The following PDE7B variants were observed in gnomAD, a reference collection of about 807,000 sequenced individuals.
PDE7B encodes 3',5'-cyclic-AMP phosphodiesterase 7B.
In PDE7B, 29 loss-of-function variants were observed where a neutral mutation model predicts 56.2. The ratio of observed to expected loss-of-function variants is 0.52; its 90% confidence interval spans 0.38 to 0.70. The LOEUF (loss-of-function observed/expected upper bound fraction) is 0.70, where lower values mean the gene tolerates loss of function less well. Among genes scored for constraint, PDE7B ranks in the 30% least tolerant of loss-of-function variants. The pLI, the probability that PDE7B is intolerant of heterozygous loss-of-function variation, is 0.00. For synonymous variants in PDE7B, 197 were observed against 196.9 expected (o/e 1.00, Z 0.00); for missense variants, 490 against 565.0 (o/e 0.87, Z 1.35).
intron 1 of PDE7B, among the ~76,000 whole-genome samples, chr6:135,931,773 G>C (rs1774294665): frequency 6.6e-6 from 1 of 152,016 alleles, no homozygotes; most frequent in Non-Finnish European, 1.5e-5. Context: ...AAGACTTTAG[G>C]TTTAATACCC....
rs1328342403 is a variant in PDE7B at position 135,875,415 on chromosome 6, TATAA to T, written c.21+23403_21+23406del. 5.9e-5 allele frequency among the ~76,000 whole-genome samples: 9 copies of T among 152,092 alleles called. No homozygotes were observed. In the South Asian group the frequency reaches 1.0e-3, roughly 18 times the overall value. ...TTAGCATTTTATACTAGAATAAAAATATAAATAAATTTATGTGTATTTAATATCC... is the reference window on the plus strand; with the variant it reads ...TTAGCATTTTATACTAGAATAAAAATATAAATTTATGTGTATTTAATATCC... On this transcript the variant is annotated intron_variant, in intron 1 of 12. Transcript: ENST00000308191.
intron 3 of PDE7B, among the ~76,000 whole-genome samples, chr6:136,146,593 C>T (rs542027753): frequency 1.3e-5 from 2 of 152,280 alleles, no homozygotes; most frequent in South Asian, 2.1e-4. Context: ...GAAACCATTT[C>T]CTCATGTGTA....
At chr6:136,083,564 A>T (rs898817931) in intron 2 of PDE7B, among the ~76,000 whole-genome samples, 3 of 152,182 alleles carry the variant, frequency 2.0e-5, no homozygotes, top group Non-Finnish European at 4.4e-5. Flanking sequence ...ATGCCATGTG[A>T]TACTGACCTG....
At position 136,090,937 on chromosome 6, in the gene PDE7B, C is replaced by G. The variant is rs375545915; in HGVS notation, c.83-17794C>G. Among the ~76,000 whole-genome samples, 8 of 152,300 alleles carry G rather than the reference C, an allele frequency of 5.3e-5. No individual in the cohort carries two copies. In the East Asian group the frequency reaches 1.2e-3, roughly 22 times the overall value. On this transcript the variant is annotated intron_variant, in intron 2 of 12. Coordinates refer to ENST00000308191, the MANE Select transcript of PDE7B (RefSeq NM_018945.4). Reference sequence around the variant, plus strand: ...GTCAATTCATTTCACAGAGCCTCCCCTAACACACCAGAGCAATGCTAATCC... The same window carrying G: ...GTCAATTCATTTCACAGAGCCTCCCGTAACACACCAGAGCAATGCTAATCC...
chr6:135,979,800 CA>C (rs2128204076), intron 2 of PDE7B, among the ~76,000 whole-genome samples: 1 of 152,196 alleles, frequency 6.6e-6, no homozygotes, highest in South Asian at 2.1e-4. Context: ...AAAGAGGATA[CA>C]AATGGAAGAA....
At chr6:136,135,104 G>T (rs1424483154) in intron 3 of PDE7B, among the ~76,000 whole-genome samples, 1 of 152,122 alleles carries the variant, frequency 6.6e-6, no homozygotes, top group Non-Finnish European at 1.5e-5. Context: ...CAGCCATCAA[G>T]AAGTCGTGAG....
intron 2 of PDE7B, among the ~76,000 whole-genome samples, chr6:136,050,502 G>A (rs970138284): frequency 1.3e-5 from 2 of 152,094 alleles, no homozygotes; most frequent in African/African-American, 4.8e-5. Flanking sequence ...GTGGTAGCTG[G>A]TAGTTGCTTA....
At chr6:136,176,496 A>G (rs1229455705) in intron 9 of PDE7B, among the ~76,000 whole-genome samples, 1 of 152,106 alleles carries the variant, frequency 6.6e-6, no homozygotes, top group East Asian at 1.9e-4. Context: ...TAATTGCACA[A>G]TATGAATGTA....
intron 2 of PDE7B, among the ~76,000 whole-genome samples, chr6:135,975,008 A>G (rs4074848): frequency 0.054 from 8,226 of 152,148 alleles, 302 homozygotes; most frequent in Non-Finnish European, 0.077. Flanking sequence ...ACTGGGTTCA[A>G]TACAAGAGAC....
chr6:135,904,621 C>T (rs557387083), intron 1 of PDE7B, among the ~76,000 whole-genome samples: 1 of 152,282 alleles, frequency 6.6e-6, no homozygotes, highest in African/African-American at 2.4e-5. Context: ...ATGATATTAA[C>T]TATATTATAT....
At chr6:136,019,389 AAAG>A (rs776256574) in intron 2 of PDE7B, among the ~76,000 whole-genome samples, 116 of 152,324 alleles carry the variant, frequency 7.6e-4, no homozygotes, top group South Asian at 1.5e-3. Flanking sequence ...GCTGAAAAAA[AAAG>A]AAGGAAAAAG....
chr6:135,978,576 CT>C (rs1239275487), intron 2 of PDE7B, among the ~76,000 whole-genome samples: 1 of 151,914 alleles, frequency 6.6e-6, no homozygotes, highest in Non-Finnish European at 1.5e-5. Flanking sequence ...TCTTATAATA[CT>C]TTTTTACTCC....
chr6:136,057,421 C>T (rs1423889969), intron 2 of PDE7B, among the ~76,000 whole-genome samples: 2 of 152,156 alleles, frequency 1.3e-5, no homozygotes, highest in Admixed American at 6.5e-5. Context: ...CATTATACAT[C>T]AAAGTATACA....
intron 2 of PDE7B, among the ~76,000 whole-genome samples, chr6:135,982,415 A>G (rs926064980): frequency 6.6e-6 from 1 of 151,860 alleles, no homozygotes; most frequent in Middle Eastern, 3.2e-3. Flanking sequence ...TCTTTCTGCT[A>G]CTTTCTTCTC....
At chr6:135,884,400 T>C (rs764355696) in intron 1 of PDE7B, among the ~76,000 whole-genome samples, 19 of 152,338 alleles carry the variant, frequency 1.2e-4, no homozygotes, top group Non-Finnish European at 2.1e-4. Flanking sequence ...TCATCACATA[T>C]GATCATTACA....
chr6:135,988,675 A>C (rs1460661991), intron 2 of PDE7B, among the ~76,000 whole-genome samples: 1 of 152,174 alleles, frequency 6.6e-6, no homozygotes, highest in African/African-American at 2.4e-5. Flanking sequence ...AAGGAAATGG[A>C]AGTGTTCTGA....
At chr6:136,067,056 T>C (rs901236222) in intron 2 of PDE7B, among the ~76,000 whole-genome samples, 74 of 152,156 alleles carry the variant, frequency 4.9e-4, no homozygotes, top group African/African-American at 1.3e-3. Flanking sequence ...GGTCTTGCTA[T>C]GTTGCCCAGG....
At chr6:136,110,587 T>C (rs530369779) in intron 3 of PDE7B, among the ~76,000 whole-genome samples, 1 of 152,150 alleles carries the variant, frequency 6.6e-6, no homozygotes, top group South Asian at 2.1e-4. Flanking sequence ...TGTTTATAAT[T>C]CCAAAGTTTC....
intron 6 of PDE7B, among the ~76,000 whole-genome samples, chr6:136,153,594 G>A (rs574809535): frequency 5.9e-5 from 9 of 152,232 alleles, no homozygotes; most frequent in South Asian, 2.1e-4. Flanking sequence ...TAAGAGGCCC[G>A]GATTTGCTTT....
Sources: gnomAD v4.1 joint callset for allele counts (sites outside exome capture counted in the v4.1 genomes callset) on GRCh38, gnomAD v4.1.1 for gene constraint, MANE v1.5 for transcripts, NCBI Gene and HGNC (gene_info 2026-07-23, HGNC 2026-07-21) for gene names.